Variants in DNAJC7 observed in about 807,000 individuals in gnomAD.
The protein encoded by DNAJC7 is dnaJ homolog subfamily C member 7.
In DNAJC7, 18 loss-of-function variants were observed where a neutral mutation model predicts 67.4. The ratio of observed to expected loss-of-function variants is 0.27; its 90% CI spans 0.18 to 0.40. DNAJC7 has a LOEUF of 0.40. Ranked by LOEUF, DNAJC7 falls within the 10% of genes least tolerant of loss-of-function variation. The pLI is 1.00. For synonymous variants in DNAJC7, 220 were observed against 207.8 expected (o/e 1.06, Z -0.50); for missense variants, 419 against 613.8 (o/e 0.68, Z 3.35).
At chr17:41,998,191 C>A (rs1216136621) in intron 2 of DNAJC7, among the ~76,000 whole-genome samples, 3 of 152,070 alleles carry the variant, frequency 2.0e-5, no homozygotes, top group Non-Finnish European at 4.4e-5. Flanking sequence ...AATGCCACAG[C>A]CAGCACAGTG....
chr17:42,006,210 G>A (rs1555650221), intron 1 of DNAJC7, among the ~76,000 whole-genome samples: 1 of 150,974 alleles, frequency 6.6e-6, no homozygotes, highest in East Asian at 2.0e-4. Context: ...CTGGAGTGCA[G>A]TGGCGCAATC....
intron 5 of DNAJC7, among the ~76,000 whole-genome samples, chr17:41,993,286 T>C (rs7222935): frequency 0.9 from 137,027 of 151,676 alleles, 62,005 homozygotes; most frequent in East Asian, 1. Flanking sequence ...GGTGAAACCC[T>C]GTCTCTACTA....
Position 42,005,296 on chromosome 17 carries a change from T to A in DNAJC7, c.78-4726A>T, listed in dbSNP as rs73309756. Among the ~76,000 whole-genome samples the A allele has an allele frequency of 6.0e-3, 913 of 152,290 alleles. 6 individuals carry two copies. The highest frequency in any genetic ancestry group is 0.021 in the African/African-American group (880 of 41,560). ...CTAGCCAACTTTGCACATTTACAGC[T>A]CAACTAAATTAAAAACACATTAAAA... On this transcript the variant is annotated intron_variant, in intron 1 of 13. Transcript: ENST00000457167.
intron 3 of DNAJC7, among the ~76,000 whole-genome samples, chr17:41,996,888 T>C (rs1465962816): frequency 2.0e-5 from 3 of 152,174 alleles, no homozygotes; most frequent in Non-Finnish European, 4.4e-5. Flanking sequence ...TTAGCAATGT[T>C]AAGAGACATT....
rs781811893 is a variant in DNAJC7, at chr17:41,994,873, C to G, written c.477G>C (p.Arg159=). The G allele has an allele frequency of 2.7e-5, 44 of 1,613,778 alleles. No individual in the cohort carries two copies. In the East Asian group the frequency reaches 6.5e-4, roughly 24 times the overall value. The stretch of plus-strand genomic sequence containing the variant: ...TTATCTCATGGTTGTACTGTACCTT[C>G]CGAAAATCTCGCTTCTCAAAATCTG... ...AETDFEKRDF[R]KVVFCMDRAL... Residue 159 remains arginine, a synonymous_variant, in exon 5 of 14, where the codon CGG becomes CGC. Coordinates refer to ENST00000457167, the MANE Select transcript of DNAJC7 (RefSeq NM_003315.4).
At chr17:41,978,923 ATCT>A (rs1273082482) in intron 12 of DNAJC7, among the ~76,000 whole-genome samples, 2 of 152,074 alleles carry the variant, frequency 1.3e-5, no homozygotes, top group Non-Finnish European at 2.9e-5. Context: ...CTGCTTATAG[ATCT>A]TCTTAACTGC....
At chr17:41,986,101 C>T (rs1369318389) in intron 9 of DNAJC7, 1 of 136,928 alleles carries the variant, frequency 7.3e-6, no homozygotes, top group Non-Finnish European at 1.5e-5. Context: ...GTGGCTCACA[C>T]CTGCTGGTAA....
At chr17:42,005,689 T>C (rs2051928954) in intron 1 of DNAJC7, among the ~76,000 whole-genome samples, 1 of 152,134 alleles carries the variant, frequency 6.6e-6, no homozygotes, top group Non-Finnish European at 1.5e-5. Flanking sequence ...ACCTAGGAAA[T>C]GTGGATCCAA....
In DNAJC7 at chr17:41,990,264, C is replaced by T. The variant is rs1021587551; in HGVS notation, c.599G>A (p.Ser200Asn). The change falls in exon 6 of 14, where the codon AGT becomes AAT. Residue 200 changes from serine (S) to asparagine (N), a missense_variant and splice_region_variant. Ser to Asn is a conservative substitution (Grantham distance 46, BLOSUM62 1). Transcript: ENST00000457167. ...GRYPEAQSVA[S>N]DILRMDSTNA... The stretch of plus-strand genomic sequence containing the variant: ...ATGTCCAGCTAGCCTGACTGCATAC[C>T]TAGCCACAGACTGTGCTTCTGGATA... 4.4e-6 allele frequency: 7 copies of T among 1,605,886 alleles called. No individual in the cohort carries two copies. The highest frequency in any genetic ancestry group is 6.0e-6 in the Non-Finnish European group (7 of 1,176,162).
chr17:41,991,314 A>C (rs1480572755), intron 5 of DNAJC7, among the ~76,000 whole-genome samples: 1 of 152,192 alleles, frequency 6.6e-6, no homozygotes, highest in Non-Finnish European at 1.5e-5. Flanking sequence ...CTGAAAACTT[A>C]CAAGCAGAAA....
chr17:41,988,696 T>C (rs1223150820), intron 8 of DNAJC7, 36 bp downstream of exon 8: 3 of 1,549,164 alleles, frequency 1.9e-6, no homozygotes, highest in African/African-American at 1.4e-5. Flanking sequence ...CTTAAAAATA[T>C]TTCTATAGGC....
intron 1 of DNAJC7, among the ~76,000 whole-genome samples, chr17:42,012,358 C>A (rs2052142322): frequency 6.6e-6 from 1 of 152,214 alleles, no homozygotes; most frequent in African/African-American, 2.4e-5. Flanking sequence ...TGGCACACGC[C>A]TATAGTCCCA....
intron 1 of DNAJC7, among the ~76,000 whole-genome samples, chr17:42,006,241 C>T (rs1480609756): frequency 2.0e-5 from 3 of 151,790 alleles, no homozygotes; most frequent in African/African-American, 4.8e-5. Context: ...GCAACCCCCA[C>T]GTCCTGGGTT....
Position 42,005,973 on chromosome 17 carries a change from T to C in DNAJC7, c.78-5403A>G, listed in dbSNP as rs1202598041. On this transcript the variant is annotated intron_variant, in intron 1 of 13. Coordinates refer to ENST00000457167, the MANE Select transcript of DNAJC7 (RefSeq NM_003315.4). ...ATTTTTTTTATTTTTTGAGACACAG[T>C]CTGACTGTCACCCAGGCTAGAGTGC... is the stretch of plus-strand genomic sequence containing the variant. 2.6e-5 allele frequency among the ~76,000 whole-genome samples: 4 copies of C among 150,994 alleles called. No homozygotes were observed. In the Admixed American group the frequency reaches 2.6e-4, roughly 10 times the overall value.
At chr17:41,981,674 G>T in intron 12 of DNAJC7, 181 bp downstream of exon 12, 1 of 790,582 alleles carries the variant, frequency 1.3e-6, no homozygotes, top group Non-Finnish European at 2.0e-6. Context: ...CGCCTCCTCA[G>T]AGCTCACTGC....
intron 10 of DNAJC7, 119 bp from the exon 11 acceptor site, chr17:41,982,520 T>A (rs1468547857): frequency 1.5e-6 from 2 of 1,301,684 alleles, no homozygotes. Context: ...ACTTTTACGG[T>A]GCTTTCTTCT....
At chr17:41,996,748 A>G (rs1555648718) in intron 3 of DNAJC7, among the ~76,000 whole-genome samples, 3 of 152,192 alleles carry the variant, frequency 2.0e-5, no homozygotes, top group Non-Finnish European at 2.9e-5. Flanking sequence ...GCGCCACTGC[A>G]CTCCAGCCTG....
intron 6 of DNAJC7, among the ~76,000 whole-genome samples, chr17:41,989,914 G>C (rs1333375490): frequency 6.6e-6 from 1 of 152,220 alleles, no homozygotes. Flanking sequence ...TGGCAGAGTT[G>C]AGTTAGTTGC....
At chr17:41,992,044 A>G (rs2051521573) in intron 5 of DNAJC7, among the ~76,000 whole-genome samples, 2 of 152,350 alleles carry the variant, frequency 1.3e-5, no homozygotes, top group Admixed American at 1.3e-4. Context: ...AAATATGAGC[A>G]AGTCAGTAAA....
Sources: gnomAD v4.1 joint callset for allele counts (sites outside exome capture counted in the v4.1 genomes callset) on GRCh38, gnomAD v4.1.1 for gene constraint, MANE v1.5 for transcripts, NCBI Gene and HGNC (gene_info 2026-07-23, HGNC 2026-07-21) for gene names.